The following MYB variants were observed in gnomAD, a reference collection of about 807,000 sequenced individuals.
MYB encodes transcriptional activator Myb.
In MYB, 28 loss-of-function variants were observed where a neutral mutation model predicts 92.9. The observed-to-expected ratio is 0.30, with a 90% CI of 0.22 to 0.41. The LOEUF (loss-of-function observed/expected upper bound fraction) is 0.41, where lower values mean the gene tolerates loss of function less well. Among genes scored for constraint, MYB ranks in the 10% least tolerant of loss-of-function variants. The probability of loss-of-function intolerance (pLI) is 1.00; values close to 1 mark genes in which losing one functional copy is unlikely to be tolerated. For synonymous variants in MYB, 295 were observed against 329.1 expected (o/e 0.90, Z 1.12); for missense variants, 679 against 929.3 (o/e 0.73, Z 3.50).
rs558927388 is a variant in MYB, at chr6:135,195,567, G to C, written c.949-181G>C. 1.2e-4 allele frequency: 76 copies of C among 636,064 alleles called. 1 individual carries two copies. The South Asian group carries it at 1.4e-3, about 12-fold the overall frequency. 39.4% of individuals were successfully genotyped at this position (636,064 alleles called of 1,614,324 possible). ...ACAACCTCTAGCACTATTAAAAACA[G>C]GGTCTTGCATTGATAAAAGGAAACA... On this transcript the variant is annotated intron_variant, in intron 8 of 15. Transcript: ENST00000341911.
chr6:135,207,436 A>G (rs1779092784), intron 15 of MYB, among the ~76,000 whole-genome samples: 1 of 152,192 alleles, frequency 6.6e-6, no homozygotes. Context: ...GAACTGCGCA[A>G]TTCTGTGTTT....
At chr6:135,192,648 G>GGAAAGTTCTCTGAAA in intron 6 of MYB, 90 bp downstream of exon 6, 1 of 1,276,686 alleles carries the variant, frequency 7.8e-7, no homozygotes, top group Non-Finnish European at 1.1e-6. Context: ...ATACTTTTCA[G>GGAAAGTTCTCTGAAA]AGAACTTTCC....
chr6:135,192,301 TTG>T, intron 5 of MYB, 21 bp from the exon 6 acceptor site: 1 of 1,586,770 alleles, frequency 6.3e-7, no homozygotes, highest in Non-Finnish European at 8.7e-7. Context: ...TTTGTGAAAT[TTG>T]TGTGATATAT....
rs1775788056 is a variant in MYB, at chr6:135,185,453, C to T, written c.24-450C>T. Among the ~76,000 whole-genome samples the T allele has an allele frequency of 2.0e-5, 3 of 152,258 alleles. No individual in the cohort carries two copies. The South Asian group carries it at 6.2e-4, about 32-fold the overall frequency. ...TAAAACAAAAACCCCATTGGAATAG[C>T]ATAGTTGAATTGTTTATTATGTTTG... On this transcript the variant is annotated intron_variant, in intron 1 of 15. Transcript: ENST00000341911.
intron 9 of MYB, 82 bp from the exon 10 acceptor site, chr6:135,196,879 T>C: frequency 1.3e-6 from 2 of 1,585,498 alleles, no homozygotes; most frequent in Admixed American, 1.7e-5. Context: ...TTGCTTTGCG[T>C]TGAGCATCTC....
Position 135,201,715 on chromosome 6 carries a change from T to C in MYB, c.2027T>C (p.Leu676Pro), listed in dbSNP as rs958553931. ...HWEGDSLNTQLFTQTSPVADA... is the reference protein window; with the variant it reads ...HWEGDSLNTQPFTQTSPVADA... ...GAAGGGGACAGTCTGAATACCCAAC[T>C]GTTCACGCAGACCTCGCCTGTGGCA... is the stretch of plus-strand genomic sequence containing the variant. Residue 676 changes from leucine (L) to proline (P), a missense_variant, in exon 14 of 16, where the codon CTG becomes CCG. Physicochemically the swap from Leu to Pro is moderately conservative, Grantham distance 98 (BLOSUM62 -3). Around this residue, in one of 8 missense-constraint regions of MYB, gnomAD observed 402 missense variants for 434.2 expected, o/e 0.93. Coordinates refer to ENST00000341911, the MANE Select transcript of MYB (RefSeq NM_001130173.2). 6.4e-7 allele frequency: 1 copy of C among 1,560,136 alleles called. No homozygotes were observed. The highest frequency in any genetic ancestry group is 1.7e-4 in the Middle Eastern group (1 of 5,832).
intron 14 of MYB, among the ~76,000 whole-genome samples, 179 bp downstream of exon 14, chr6:135,201,928 A>AT (rs772994271): frequency 1.3e-5 from 2 of 151,950 alleles, no homozygotes; most frequent in African/African-American, 2.4e-5. Flanking sequence ...TAAAGTTGAG[A>AT]TTTTTTCATG....
At chr6:135,199,519 T>A in intron 11 of MYB, 1 of 1,024,422 alleles carries the variant, frequency 9.8e-7, no homozygotes, top group Non-Finnish European at 1.2e-6. Flanking sequence ...TTTGAATTTA[T>A]GTGTAGATAG....
At chr6:135,203,090 A>C (rs1778361245) in intron 14 of MYB, 127 bp from the exon 15 acceptor site, 9 of 740,970 alleles carry the variant, frequency 1.2e-5, no homozygotes, top group Non-Finnish European at 2.1e-5. Flanking sequence ...AATTTCTGGC[A>C]GATGACTGCA....
chr6:135,207,665 C>G (rs1779121719), intron 15 of MYB, among the ~76,000 whole-genome samples: 1 of 151,542 alleles, frequency 6.6e-6, no homozygotes, highest in Non-Finnish European at 1.5e-5. Flanking sequence ...TTTGTACACA[C>G]ATAGATGTAT....
At chr6:135,185,452 G>C (rs973501116) in intron 1 of MYB, among the ~76,000 whole-genome samples, 9 of 152,148 alleles carry the variant, frequency 5.9e-5, no homozygotes, top group African/African-American at 2.2e-4. Context: ...CATTGGAATA[G>C]CATAGTTGAA....
chr6:135,217,091 A>G (rs1481018721), intron 15 of MYB, among the ~76,000 whole-genome samples: 2 of 152,186 alleles, frequency 1.3e-5, no homozygotes, highest in African/African-American at 4.8e-5. Context: ...TAAAAATTAA[A>G]CTATACTGGC....
chr6:135,216,838 A>C (rs994124516), intron 15 of MYB, among the ~76,000 whole-genome samples: 1 of 152,230 alleles, frequency 6.6e-6, no homozygotes, highest in Non-Finnish European at 1.5e-5. Context: ...GAGGCATCGC[A>C]GGAGCTGGAG....
intron 15 of MYB, among the ~76,000 whole-genome samples, chr6:135,209,710 TTA>T (rs1402374775): frequency 2.0e-5 from 3 of 152,270 alleles, no homozygotes; most frequent in African/African-American, 7.2e-5. Context: ...CTTATAATTG[TTA>T]TGTTTCTTTT....
chr6:135,188,507 G>GT (rs1776228001), intron 3 of MYB, among the ~76,000 whole-genome samples: 1 of 121,152 alleles, frequency 8.3e-6, no homozygotes, highest in Non-Finnish European at 1.8e-5. Flanking sequence ...TTTTTTTTTT[G>GT]TTTTTTGTTT....
Position 135,186,072 on chromosome 6 carries a change from T to TA in MYB, c.141+58dup, listed in dbSNP as rs755880888. ...GAAAATAGATAGAGTGTATAATTTATAAAAAACAAAATTTCAACTAAACTA... is the reference window on the plus strand; with the variant it reads ...GAAAATAGATAGAGTGTATAATTTATAAAAAAACAAAATTTCAACTAAACTA... On this transcript the variant is annotated intron_variant, in intron 2 of 15. Transcript: ENST00000341911. The TA allele has an allele frequency of 6.6e-6, 10 of 1,522,976 alleles. No homozygotes were observed. The South Asian group carries it at 9.1e-5, about 14-fold the overall frequency. 94.3% of individuals were successfully genotyped at this position (1,522,976 alleles called of 1,614,324 possible). A position where few individuals can be genotyped will look rare whatever the true frequency, so the allele number is the denominator to read the frequency against.
chr6:135,190,085 A>G lies in MYB; in HGVS notation c.307-42A>G. 1.3e-6 allele frequency: 2 copies of G among 1,596,098 alleles called. No individual in the cohort carries two copies. The highest frequency in any genetic ancestry group is 1.7e-6 in the Non-Finnish European group (2 of 1,166,256). ...AAGAATGATTATACTGACTCATTAC[A>G]TAACTTTAAAACATAGGTTATTTTT... On this transcript the variant is annotated intron_variant, in intron 4 of 15. Coordinates refer to ENST00000341911, the MANE Select transcript of MYB (RefSeq NM_001130173.2). This position sits in a 1 kb window ranked among gnomAD's most constrained non-coding sequence, Gnocchi z 4.5.
chr6:135,212,599 A>C (rs570519392), intron 15 of MYB, among the ~76,000 whole-genome samples: 1 of 152,200 alleles, frequency 6.6e-6, no homozygotes, highest in Non-Finnish European at 1.5e-5. Flanking sequence ...TTAAAGGCAC[A>C]TTACAGGATA....
intron 5 of MYB, among the ~76,000 whole-genome samples, chr6:135,191,036 C>T (rs1237080255): frequency 6.6e-6 from 1 of 152,190 alleles, no homozygotes; most frequent in East Asian, 1.9e-4. Context: ...TGGCCTCAAA[C>T]AATCCTTTCA....
Sources: allele counts gnomAD v4.1 joint callset (sites outside exome capture counted in the v4.1 genomes callset), GRCh38; gene constraint gnomAD v4.1.1; regional missense constraint gnomAD v4.1.1; non-coding constraint Gnocchi (gnomAD v3.1); transcripts MANE v1.5; gene names NCBI Gene and HGNC (gene_info 2026-07-23, HGNC 2026-07-21).